The following TOGARAM1 variants were observed in gnomAD, a reference collection of about 807,000 sequenced individuals.
TOGARAM1 encodes the protein TOG array regulator of axonemal microtubules 1, also known as TOG array regulator of axonemal microtubules protein 1.
A neutral mutation model predicts 166.6 loss-of-function variants in TOGARAM1; 100 were observed. The ratio of observed to expected loss-of-function variants is 0.60; its 90% CI spans 0.51 to 0.71. The LOEUF is 0.71. Among genes scored for constraint, TOGARAM1 ranks in the 30% least tolerant of loss-of-function variants. The probability of loss-of-function intolerance (pLI) is 0.00; values close to 1 mark genes in which losing one functional copy is unlikely to be tolerated. For synonymous variants in TOGARAM1, 758 were observed against 763.8 expected, an observed-to-expected ratio of 0.99 and a Z score of 0.13; for missense variants, 2,029 against 2,102.7, an observed-to-expected ratio of 0.96 and a Z score of 0.69.
In TOGARAM1 at chr14:45,049,554, C is replaced by T. The variant is rs751752904; in HGVS notation, c.4313+2851C>T. On this transcript the variant is annotated intron_variant, in intron 14 of 19. Coordinates refer to ENST00000361462, the MANE Select transcript of TOGARAM1 (RefSeq NM_001308120.2). ...GATTATAGGTGTGAGCCACCGCACC[C>T]GGCCAGAAAGTTCTCTTCTTTTAAG... Among the ~76,000 whole-genome samples, 8 of 152,232 alleles carry T rather than the reference C, an allele frequency of 5.3e-5. No homozygotes were observed. In the South Asian group the frequency reaches 6.2e-4, roughly 12 times the overall value.
intron 11 of TOGARAM1, among the ~76,000 whole-genome samples, chr14:45,036,123 T>C (rs1340797494): frequency 8.0e-6 from 1 of 125,076 alleles, no homozygotes; most frequent in Admixed American, 8.4e-5. Context: ...GAACAAGACC[T>C]TGTCTCTAAA....
intron 16 of TOGARAM1, among the ~76,000 whole-genome samples, chr14:45,064,159 T>C (rs1477371547): frequency 6.6e-6 from 1 of 152,202 alleles, no homozygotes; most frequent in Non-Finnish European, 1.5e-5. Flanking sequence ...TTGTTCTCCC[T>C]TATTGTAGTA....
intron 16 of TOGARAM1, among the ~76,000 whole-genome samples, chr14:45,060,183 G>T (rs889898511): frequency 6.7e-6 from 1 of 148,284 alleles, no homozygotes; most frequent in African/African-American, 2.5e-5. Context: ...CTCCCAAAGT[G>T]CTGGGATTAC....
intron 1 of TOGARAM1, among the ~76,000 whole-genome samples, chr14:44,975,544 G>T (rs1886131234): frequency 6.6e-6 from 1 of 152,076 alleles, no homozygotes; most frequent in Non-Finnish European, 1.5e-5. Context: ...TTGGCTCACT[G>T]CAACCTCTGT....
Position 44,999,366 on chromosome 14 carries a change from C to G in TOGARAM1, c.2207C>G (p.Thr736Ser). 6.2e-7 allele frequency: 1 copy of G among 1,604,616 alleles called. No homozygotes were observed. Among genetic ancestry groups the G allele is most frequent in the Non-Finnish European group, 8.5e-7 (1 of 1,174,616 alleles). The change falls in exon 3 of 20, where the codon ACT becomes AGT. Residue 736 changes from threonine to serine, a missense_variant. Physicochemically the swap from Thr to Ser is moderately conservative, Grantham distance 58. Transcript: ENST00000361462. ...PDCLPLCAAGTTGTHQTNLSG... is the reference protein window; with the variant it reads ...PDCLPLCAAGSTGTHQTNLSG... ...TCTCCCTTCCTTTCTTCAAAAGGTA[C>G]TACTGGGACTCATCAAACAAATCTT... is the stretch of plus-strand genomic sequence containing the variant.
intron 19 of TOGARAM1, among the ~76,000 whole-genome samples, chr14:45,072,127 C>A (rs181669733): frequency 2.0e-5 from 3 of 152,260 alleles, no homozygotes; most frequent in African/African-American, 7.2e-5. Context: ...CCAAAGTTAG[C>A]AGTTGGCAGG....
intron 16 of TOGARAM1, among the ~76,000 whole-genome samples, chr14:45,060,130 GGATGGTCTCGATCTCCTGACCTTGT>G (rs1300424574): frequency 2.0e-5 from 3 of 150,964 alleles, no homozygotes; most frequent in Non-Finnish European, 4.4e-5. Context: ...GTGTTAGCCA[GGATGGTCTCGATCTCCTGACCTTGT>G]GATCTGCCCA....
chr14:45,002,705 C>T (rs913064133), intron 3 of TOGARAM1, among the ~76,000 whole-genome samples: 2 of 152,118 alleles, frequency 1.3e-5, no homozygotes, highest in Non-Finnish European at 2.9e-5. Flanking sequence ...CGGCTGTGTG[C>T]GGTGGCTCAC....
At chr14:44,988,531 T>C (rs1886972884) in intron 1 of TOGARAM1, among the ~76,000 whole-genome samples, 1 of 152,218 alleles carries the variant, frequency 6.6e-6, no homozygotes. Flanking sequence ...TACCAAACTA[T>C]TAGGAATGTT....
chr14:45,011,928 C>T (rs771375036), intron 6 of TOGARAM1, 47 bp from the exon 7 acceptor site: 3 of 1,323,120 alleles, frequency 2.3e-6, no homozygotes, highest in Non-Finnish European at 3.2e-6. Flanking sequence ...GAGTATTGAA[C>T]AGCACTAAAT....
intron 13 of TOGARAM1, among the ~76,000 whole-genome samples, chr14:45,045,157 A>T (rs1251239809): frequency 1.3e-5 from 2 of 151,834 alleles, no homozygotes; most frequent in African/African-American, 2.4e-5. Flanking sequence ...TACAATTATT[A>T]TTTTTTTATT....
chr14:45,058,434 A>G (rs1179156186), intron 16 of TOGARAM1, among the ~76,000 whole-genome samples: 2 of 152,014 alleles, frequency 1.3e-5, no homozygotes, highest in African/African-American at 2.4e-5. Context: ...AGCTGGGACT[A>G]TAGGCACACA....
chr14:44,995,447 A>G (rs976305780), intron 1 of TOGARAM1: 3 of 469,704 alleles, frequency 6.4e-6, no homozygotes, highest in African/African-American at 5.9e-5. Context: ...CCGTCAGATC[A>G]TTGTTTTTGT....
intron 11 of TOGARAM1, among the ~76,000 whole-genome samples, chr14:45,040,244 A>G (rs971979118): frequency 6.6e-6 from 1 of 152,242 alleles, no homozygotes. Context: ...AAGGAAAATT[A>G]CAAACTATTT....
chr14:44,973,602 A>G (rs944892935), intron 1 of TOGARAM1, among the ~76,000 whole-genome samples: 3 of 151,240 alleles, frequency 2.0e-5, no homozygotes, highest in Non-Finnish European at 4.4e-5. Context: ...CTCTCTATAT[A>G]TACATATATA....
chr14:44,984,732 G>A (rs1238298905), intron 1 of TOGARAM1, among the ~76,000 whole-genome samples: 1 of 151,756 alleles, frequency 6.6e-6, no homozygotes, highest in Non-Finnish European at 1.5e-5. Flanking sequence ...CTATGATCGT[G>A]CCACTGCACT....
chr14:44,993,625 AC>A (rs1186496645), intron 1 of TOGARAM1, among the ~76,000 whole-genome samples: 1 of 152,290 alleles, frequency 6.6e-6, no homozygotes, highest in East Asian at 1.9e-4. Flanking sequence ...ATCAAAACTT[AC>A]CCTAATGAAA....
chr14:44,969,294 GGCC>G (rs1885753157), intron 1 of TOGARAM1, among the ~76,000 whole-genome samples: 1 of 151,522 alleles, frequency 6.6e-6, no homozygotes, highest in Non-Finnish European at 1.5e-5. Context: ...TGAGACTACA[GGCC>G]CACACCATCA....
chr14:45,025,905 T>C (rs777180781), intron 8 of TOGARAM1, 33 bp downstream of exon 8: 1 of 1,135,512 alleles, frequency 8.8e-7, no homozygotes, highest in Non-Finnish European at 1.3e-6. Context: ...CTTAATTATA[T>C]GTATTCATCA....
Sources: gnomAD v4.1 joint callset for allele counts (sites outside exome capture counted in the v4.1 genomes callset) on GRCh38, gnomAD v4.1.1 for gene constraint, MANE v1.5 for transcripts, NCBI Gene and HGNC (gene_info 2026-07-23, HGNC 2026-07-21) for gene names.